C1QTNF3: variants seen among roughly 807,000 people sequenced by gnomAD.
C1QTNF3 encodes the protein complement C1q tumor necrosis factor-related protein 3.
Under a neutral mutation model 32.6 loss-of-function variants are expected in C1QTNF3, and 26 were observed. That is an observed-to-expected ratio of 0.80 (90% CI 0.58 to 1.11). The LOEUF is 1.11. C1QTNF3 is among the 50% of genes least tolerant of loss of function. The probability of loss-of-function intolerance (pLI) is 0.00; values close to 1 mark genes in which losing one functional copy is unlikely to be tolerated. For missense variants in C1QTNF3, 362 were observed against 398.2 expected (o/e 0.91, Z 0.77); for synonymous variants, 155 against 146.0 (o/e 1.06, Z -0.44).
the C1QTNF3 span, among the ~76,000 whole-genome samples, chr5:34,203,473 G>T: frequency 1.3e-5 from 2 of 152,160 alleles, no homozygotes; most frequent in Admixed American, 1.3e-4. Flanking sequence ...GGACCACGAG[G>T]TCAGGAGTTC....
chr5:34,089,348 A>C, the C1QTNF3 span, among the ~76,000 whole-genome samples: 1 of 151,968 alleles, frequency 6.6e-6, no homozygotes, highest in African/African-American at 2.4e-5. Flanking sequence ...TCTGATTCCC[A>C]AGGTATCAGG....
chr5:34,094,199 C>T, the C1QTNF3 span, among the ~76,000 whole-genome samples: 1 of 152,136 alleles, frequency 6.6e-6, no homozygotes, highest in Admixed American at 6.6e-5. Flanking sequence ...TTTTAACATG[C>T]TAGTTCATGT....
chr5:34,052,375 T>C, the C1QTNF3 span, among the ~76,000 whole-genome samples: 103,105 of 152,120 alleles, frequency 0.68, 35,247 homozygotes, highest in East Asian at 0.85. Flanking sequence ...TCTCACTAGA[T>C]CATCTATACC....
At chr5:34,065,045 G>T in the C1QTNF3 span, among the ~76,000 whole-genome samples, 1 of 152,110 alleles carries the variant, frequency 6.6e-6, no homozygotes, top group African/African-American at 2.4e-5. Context: ...CGACAAGTAG[G>T]TCCTAATTAA....
chr5:34,175,106 T>G, the C1QTNF3 span, among the ~76,000 whole-genome samples: 1 of 148,356 alleles, frequency 6.7e-6, no homozygotes, highest in Non-Finnish European at 1.5e-5. Context: ...TGCAGTGGTG[T>G]AATCACAGCT....
chr5:34,244,421 G>A, the C1QTNF3 span, among the ~76,000 whole-genome samples: 1 of 152,142 alleles, frequency 6.6e-6, no homozygotes, highest in South Asian at 2.1e-4. Flanking sequence ...GCTGTTGCTG[G>A]CTCTGGCAGC....
chr5:34,106,941 T>C, the C1QTNF3 span, among the ~76,000 whole-genome samples: 1 of 98,476 alleles, frequency 1.0e-5, no homozygotes, highest in South Asian at 3.3e-4. Context: ...GTTTATTGTT[T>C]GATTTTACAC....
chr5:34,112,169 T>C, the C1QTNF3 span, among the ~76,000 whole-genome samples: 129 of 152,318 alleles, frequency 8.5e-4, 1 homozygote, highest in South Asian at 0.014. Context: ...TTGCAAGATA[T>C]CAAATTACTA....
chr5:34,182,208 G>A, the C1QTNF3 span, among the ~76,000 whole-genome samples: 4 of 152,366 alleles, frequency 2.6e-5, no homozygotes, highest in East Asian at 7.7e-4. Context: ...CAGTAGAGAC[G>A]GGGTTTCACC....
chr5:34,054,585 A>G, the C1QTNF3 span, among the ~76,000 whole-genome samples: 18 of 152,312 alleles, frequency 1.2e-4, no homozygotes, highest in East Asian at 2.9e-3. Flanking sequence ...TTTGCAGACC[A>G]CTGGTCTATT....
In C1QTNF3 at chr5:34,035,675, AG is replaced by A. The variant is rs761303952; in HGVS notation, c.386del (p.Pro129LeufsTer96). The A allele has an allele frequency of 6.2e-7, 1 of 1,611,098 alleles. No homozygotes were observed. Among genetic ancestry groups the A allele is most frequent in the Non-Finnish European group, 8.5e-7 (1 of 1,179,082 alleles). On this transcript the variant is annotated frameshift_variant, in exon 2 of 6. Coordinates refer to ENST00000382065, the MANE Select transcript of C1QTNF3 (RefSeq NM_181435.6). LOFTEE classifies it high-confidence loss of function. ...DYSFRGYQGP[P>X]GPPGPPGIPG... is the part of the protein sequence containing the mutation. ...GAATGCCAGGAGGGCCCGGTGGCCC[AG>A]GGGGGCCTTGGTAGCCTCGAAAGCT...
At chr5:34,229,972 T>G in the C1QTNF3 span, among the ~76,000 whole-genome samples, 1 of 152,094 alleles carries the variant, frequency 6.6e-6, no homozygotes, top group South Asian at 2.1e-4. Context: ...TCCATAAACA[T>G]GTATCCAGGA....
At chr5:34,069,477 T>C in the C1QTNF3 span, among the ~76,000 whole-genome samples, 11 of 152,276 alleles carry the variant, frequency 7.2e-5, no homozygotes, top group Non-Finnish European at 1.0e-4. Context: ...AGGGGCTACA[T>C]AAACATTTGA....
the C1QTNF3 span, among the ~76,000 whole-genome samples, chr5:34,202,209 G>A: frequency 6.3e-4 from 96 of 151,854 alleles, no homozygotes; most frequent in African/African-American, 2.2e-3. Flanking sequence ...AGAGTGGAAC[G>A]AAAGTTGAGG....
the C1QTNF3 span, among the ~76,000 whole-genome samples, chr5:34,241,950 A>AC: frequency 9.5e-6 from 1 of 104,808 alleles, no homozygotes; most frequent in Middle Eastern, 5.2e-3. Context: ...GAAGGGAGGG[A>AC]GGGAAGGAAG....
chr5:34,047,948 G>A (rs1755013885), upstream of C1QTNF3, among the ~76,000 whole-genome samples: 1 of 152,160 alleles, frequency 6.6e-6, no homozygotes, highest in African/African-American at 2.4e-5. Context: ...AGGAACAAAG[G>A]AATAAGAGAG....
At chr5:34,034,759 C>T (rs551805811) in intron 2 of C1QTNF3, among the ~76,000 whole-genome samples, 2 of 152,318 alleles carry the variant, frequency 1.3e-5, no homozygotes, top group East Asian at 3.9e-4. Context: ...GGCCCTACCC[C>T]TACATCATTG....
At chr5:34,098,986 A>G in the C1QTNF3 span, among the ~76,000 whole-genome samples, 1 of 152,232 alleles carries the variant, frequency 6.6e-6, no homozygotes, top group Non-Finnish European at 1.5e-5. Flanking sequence ...TGGCAAATGT[A>G]CATGTTAACT....
chr5:34,078,529 A>G, the C1QTNF3 span, among the ~76,000 whole-genome samples: 1 of 151,670 alleles, frequency 6.6e-6, no homozygotes, highest in Non-Finnish European at 1.5e-5. This position sits in a 1 kb window ranked among gnomAD's most constrained non-coding sequence, Gnocchi z 4.0. Flanking sequence ...CTCACTCACT[A>G]TCATGAGAAT....
Sources: gnomAD v4.1 joint callset for allele counts (sites outside exome capture counted in the v4.1 genomes callset) on GRCh38, gnomAD v4.1.1 for gene constraint, Gnocchi (gnomAD v3.1) non-coding constraint, MANE v1.5 for transcripts, NCBI Gene and HGNC (gene_info 2026-07-23, HGNC 2026-07-21) for gene names.